The following KIAA0825 variants were observed in gnomAD, a reference collection of about 807,000 sequenced individuals.
KIAA0825 encodes the protein KIAA0825.
Under a neutral mutation model 147.6 loss-of-function variants are expected in KIAA0825, and 119 were observed. The ratio of observed to expected loss-of-function variants is 0.81; its 90% CI spans 0.69 to 0.94. The LOEUF (loss-of-function observed/expected upper bound fraction) is 0.94, where lower values mean the gene tolerates loss of function less well. KIAA0825 is among the 40% of genes least tolerant of loss of function. The pLI is 0.00. For missense variants in KIAA0825, 1,381 were observed against 1,472.7 expected (o/e 0.94, Z 1.02); for synonymous variants, 470 against 518.1 (o/e 0.91, Z 1.26).
intron 20 of KIAA0825, among the ~76,000 whole-genome samples, chr5:94,280,354 C>T (rs1237997303): frequency 6.6e-6 from 1 of 151,944 alleles, no homozygotes. Context: ...GTTTTGGGTT[C>T]GGTTAGCCAT....
chr5:94,523,431 G>A (rs760316604), intron 4 of KIAA0825, among the ~76,000 whole-genome samples: 4 of 151,568 alleles, frequency 2.6e-5, no homozygotes, highest in Non-Finnish European at 4.4e-5. Flanking sequence ...GTCATTTGGT[G>A]GTCTTGCATA....
intron 20 of KIAA0825, among the ~76,000 whole-genome samples, chr5:94,221,349 A>C (rs1219051144): frequency 6.6e-6 from 1 of 152,230 alleles, no homozygotes; most frequent in African/African-American, 2.4e-5. Context: ...GTGTATTTCT[A>C]CAGTGGCCTT....
chr5:94,364,161 G>A (rs553315003), intron 20 of KIAA0825, among the ~76,000 whole-genome samples: 12 of 152,042 alleles, frequency 7.9e-5, no homozygotes, highest in Admixed American at 2.0e-4. Flanking sequence ...GGACATCAAC[G>A]TATATAATGT....
intron 20 of KIAA0825, among the ~76,000 whole-genome samples, chr5:94,368,781 T>C (rs557031696): frequency 1.1e-4 from 16 of 152,358 alleles, no homozygotes; most frequent in African/African-American, 2.9e-4. Flanking sequence ...GTGCCATTAA[T>C]AGAAATCACA....
At chr5:94,581,229 C>T (rs1782114142) in intron 2 of KIAA0825, among the ~76,000 whole-genome samples, 1 of 152,092 alleles carries the variant, frequency 6.6e-6, no homozygotes, top group South Asian at 2.1e-4. Flanking sequence ...AAAATTTGAA[C>T]AGAATTATAC....
At chr5:94,418,215 T>C (rs1432555124) in intron 14 of KIAA0825, among the ~76,000 whole-genome samples, 1 of 152,180 alleles carries the variant, frequency 6.6e-6, no homozygotes, top group East Asian at 1.9e-4. Context: ...GATTTCTTTA[T>C]TCTTGCTCAT....
At chr5:94,581,215 G>T (rs1445416937) in intron 2 of KIAA0825, among the ~76,000 whole-genome samples, 2 of 152,098 alleles carry the variant, frequency 1.3e-5, no homozygotes, top group African/African-American at 4.8e-5. Context: ...GGTACAAGAG[G>T]AATAAAATTT....
intron 2 of KIAA0825, among the ~76,000 whole-genome samples, chr5:94,557,002 G>A (rs977243338): frequency 3.9e-5 from 6 of 152,060 alleles, no homozygotes; most frequent in East Asian, 1.9e-4. Flanking sequence ...TAAATAGCAC[G>A]CCTTCCTAGT....
intron 20 of KIAA0825, among the ~76,000 whole-genome samples, chr5:94,259,558 A>G (rs1014107810): frequency 2.0e-5 from 3 of 152,018 alleles, no homozygotes; most frequent in African/African-American, 4.8e-5. Context: ...ATTTTCCTCT[A>G]TAGTCTATTA....
At chr5:94,251,787 T>C (rs1775977745) in intron 20 of KIAA0825, among the ~76,000 whole-genome samples, 1 of 152,030 alleles carries the variant, frequency 6.6e-6, no homozygotes, top group South Asian at 2.1e-4. Context: ...AATAATGTAA[T>C]ACAGTGCACC....
rs556954970 is a variant in KIAA0825 at position 94,238,372 on chromosome 5, G to A, written c.3711-84248C>T. On this transcript the variant is annotated intron_variant, in intron 20 of 20. Coordinates refer to ENST00000682413, the MANE Select transcript of KIAA0825 (RefSeq NM_001145678.3). The stretch of plus-strand genomic sequence containing the variant: ...CAAAATGATTCAGTTTATAGCCAAT[G>A]TGCTCTCAGTTTTATACATCTGAGC... Among the ~76,000 whole-genome samples the A allele has an allele frequency of 2.0e-5, 3 of 152,258 alleles. No homozygotes were observed. In the South Asian group the frequency reaches 6.2e-4, roughly 32 times the overall value.
At position 94,525,202 on chromosome 5, in the gene KIAA0825, G is replaced by A. The variant is rs530349115; in HGVS notation, c.132-1104C>T. On this transcript the variant is annotated intron_variant, in intron 3 of 20. Coordinates refer to ENST00000682413, the MANE Select transcript of KIAA0825 (RefSeq NM_001145678.3). ...GAGGTAAAGTTAGTGTTTTGAAAAC[G>A]TAACTGCTATTAATTAAAGGTTCCA... is the stretch of plus-strand genomic sequence containing the variant. 1.1e-4 allele frequency among the ~76,000 whole-genome samples: 16 copies of A among 151,914 alleles called. No individual in the cohort carries two copies. The South Asian group carries it at 1.5e-3, about 14-fold the overall frequency.
rs1486210132 is a variant in KIAA0825, at chr5:94,484,750, A to G, written c.1132+19T>C. ...AGAGAAATTATAGATTTACAAATTT[A>G]AACAAAAGAGGATATTACCTGAAGT... On this transcript the variant is annotated intron_variant, in intron 6 of 20. Transcript: ENST00000682413. 7.0e-7 allele frequency: 1 copy of G among 1,422,864 alleles called. No homozygotes were observed. 88.1% of individuals were successfully genotyped at this position (1,422,864 alleles called of 1,614,324 possible).
chr5:94,510,850 G>T (rs555309748), intron 5 of KIAA0825, among the ~76,000 whole-genome samples: 1 of 152,292 alleles, frequency 6.6e-6, no homozygotes, highest in East Asian at 1.9e-4. Context: ...TCTGTGCAGA[G>T]AAATCAGTTC....
At chr5:94,441,994 C>T (rs1380027574) in intron 13 of KIAA0825, among the ~76,000 whole-genome samples, 1 of 152,168 alleles carries the variant, frequency 6.6e-6, no homozygotes, top group Non-Finnish European at 1.5e-5. Flanking sequence ...CACCCAGATT[C>T]GAACTTTGTG....
In KIAA0825 at chr5:94,152,863, TATATATATATATATATATATATA is replaced by T. The variant is rs1766669342; in HGVS notation, c.*1121_*1143del. ...AAAAAAAAAAAAAAAAAATTATATATATATATATATATATATATATATATATATATATATATATATGGTTTCTC... is the reference window on the plus strand; with the variant it reads ...AAAAAAAAAAAAAAAAAATTATATATTATATATATATATATATGGTTTCTC... On this transcript the variant is annotated 3_prime_UTR_variant, in exon 21 of 21. Transcript: ENST00000682413. The T allele has an allele frequency of 3.9e-4, 2 of 5,078 alleles. 1 individual carries two copies. The highest frequency in any genetic ancestry group is 1.6e-3 in the African/African-American group (2 of 1,266). The allele number at this position is 5,078 out of a possible 1,614,324, so 0.3% of individuals were successfully genotyped here. A position where few individuals can be genotyped will look rare whatever the true frequency, so the allele number is the denominator to read the frequency against.
At chr5:94,236,034 C>T (rs966257668) in intron 20 of KIAA0825, among the ~76,000 whole-genome samples, 1 of 152,182 alleles carries the variant, frequency 6.6e-6, no homozygotes, top group Non-Finnish European at 1.5e-5. Flanking sequence ...TTTTATGCCG[C>T]TAACACCACA....
chr5:94,372,693 C>T (rs538462072), intron 20 of KIAA0825, among the ~76,000 whole-genome samples: 5 of 152,300 alleles, frequency 3.3e-5, no homozygotes, highest in Admixed American at 2.6e-4. Flanking sequence ...GACGGGCTGC[C>T]GTGAAGGTCT....
At chr5:94,587,798 C>G (rs866879653) in intron 1 of KIAA0825, among the ~76,000 whole-genome samples, 2 of 152,142 alleles carry the variant, frequency 1.3e-5, no homozygotes, top group African/African-American at 4.8e-5. Flanking sequence ...TCAAACTACA[C>G]TAGAAGGCTA....
Sources: allele counts gnomAD v4.1 joint callset (sites outside exome capture counted in the v4.1 genomes callset), GRCh38; gene constraint gnomAD v4.1.1; transcripts MANE v1.5; gene names NCBI Gene and HGNC (gene_info 2026-07-23, HGNC 2026-07-21).